LINGO2: variants seen among roughly 807,000 people sequenced by gnomAD.
LINGO2 encodes the protein leucine rich repeat and Ig domain containing 2.
LINGO2 carries 14 observed loss-of-function variants against 30.6 expected under a neutral mutation model. The observed-to-expected ratio is 0.46, with a 90% confidence interval of 0.30 to 0.72. The LOEUF (loss-of-function observed/expected upper bound fraction) is 0.72. LINGO2 is among the 30% of genes least tolerant of loss of function. The pLI is 0.07. For missense variants in LINGO2, 729 were observed against 751.7 expected (o/e 0.97, Z 0.35); for synonymous variants, 317 against 288.5 (o/e 1.10, Z -1.00).
the LINGO2 span, among the ~76,000 whole-genome samples, chr9:29,128,359 C>A: frequency 3.9e-5 from 6 of 152,246 alleles, no homozygotes; most frequent in African/African-American, 1.2e-4. Flanking sequence ...TGCATCTATT[C>A]CACCTCACTC....
intron 4 of LINGO2, among the ~76,000 whole-genome samples, chr9:28,206,896 T>G (rs1055866867): frequency 6.6e-6 from 1 of 152,090 alleles, no homozygotes; most frequent in African/African-American, 2.4e-5. Context: ...TTCTGCACAG[T>G]TGGATAGTTT....
At chr9:28,671,705 G>A (rs537855829), upstream of LINGO2, among the ~76,000 whole-genome samples, 4 of 151,998 alleles carry the variant, frequency 2.6e-5, no homozygotes, top group Middle Eastern at 3.4e-3. Flanking sequence ...ATCAGGTGAC[G>A]AAATAACCCG....
rs1473016049 is a variant in LINGO2 at position 28,553,928 on chromosome 9, C to T, written c.-364-77903G>A. On this transcript the variant is annotated intron_variant, in intron 1 of 5. Transcript: ENST00000379992. ...TCATAAGTGAAGGAGAAATAAAATA[C>T]TTTACAGACAAGCAAATGCTGAGAG... Among the ~76,000 whole-genome samples the T allele has an allele frequency of 2.0e-5, 3 of 151,980 alleles. No homozygotes were observed. The East Asian group carries it at 5.8e-4, about 29-fold the overall frequency.
chr9:28,058,234 G>T (rs139483023), intron 4 of LINGO2, among the ~76,000 whole-genome samples: 1,931 of 152,212 alleles, frequency 0.013, 24 homozygotes, highest in Non-Finnish European at 0.017. Flanking sequence ...AAGATGGGGT[G>T]CTGCCACCAG....
intron 4 of LINGO2, among the ~76,000 whole-genome samples, chr9:28,226,179 T>C (rs1268344448): frequency 2.0e-5 from 3 of 152,146 alleles, no homozygotes; most frequent in Non-Finnish European, 4.4e-5. Flanking sequence ...TCCAAAATAA[T>C]TTCATCAACC....
intron 1 of LINGO2, among the ~76,000 whole-genome samples, chr9:28,561,170 T>C (rs1220251962): frequency 6.6e-6 from 1 of 151,962 alleles, no homozygotes; most frequent in Non-Finnish European, 1.5e-5. Context: ...ACTAATTTTC[T>C]CTTACCATAT....
chr9:29,105,275 A>C, the LINGO2 span, among the ~76,000 whole-genome samples: 2 of 152,200 alleles, frequency 1.3e-5, no homozygotes, highest in African/African-American at 2.4e-5. Context: ...CATGAGACAT[A>C]ATTTAAATTG....
At chr9:28,170,598 C>T (rs544664740) in intron 4 of LINGO2, among the ~76,000 whole-genome samples, 2 of 152,216 alleles carry the variant, frequency 1.3e-5, no homozygotes, top group African/African-American at 4.8e-5. Context: ...TATTTAATGG[C>T]TTAAAACAGA....
the LINGO2 span, among the ~76,000 whole-genome samples, chr9:28,999,371 C>G: frequency 1.3e-5 from 2 of 151,938 alleles, no homozygotes; most frequent in Non-Finnish European, 2.9e-5. Context: ...AAAAGAGAAA[C>G]CTGGTAGTAT....
the LINGO2 span, chr9:27,941,752 G>A: frequency 1.3e-5 from 2 of 152,188 alleles, no homozygotes; most frequent in East Asian, 1.9e-4. Flanking sequence ...CTCAGCCCAA[G>A]AGGAGTTTAA....
At chr9:28,839,316 G>T in the LINGO2 span, among the ~76,000 whole-genome samples, 1 of 152,192 alleles carries the variant, frequency 6.6e-6, no homozygotes, top group Admixed American at 6.5e-5. Context: ...AAGGTGAAGA[G>T]GTGCTTTATT....
chr9:28,903,052 T>A, the LINGO2 span, among the ~76,000 whole-genome samples: 1 of 149,600 alleles, frequency 6.7e-6, no homozygotes, highest in African/African-American at 2.5e-5. Flanking sequence ...AAATATAGAC[T>A]AGAAAAACAA....
At chr9:28,519,673 T>C (rs949157747) in intron 1 of LINGO2, among the ~76,000 whole-genome samples, 10 of 152,186 alleles carry the variant, frequency 6.6e-5, no homozygotes, top group African/African-American at 2.4e-4. Context: ...GCACTATACA[T>C]CCTTCACCAC....
At chr9:28,454,404 C>T (rs1454529196) in intron 2 of LINGO2, among the ~76,000 whole-genome samples, 6 of 151,894 alleles carry the variant, frequency 4.0e-5, no homozygotes, top group South Asian at 2.1e-4. Context: ...TGAACTCAAA[C>T]AAAATTTCCA....
chr9:29,053,489 C>T, the LINGO2 span, among the ~76,000 whole-genome samples: 8 of 152,032 alleles, frequency 5.3e-5, no homozygotes, highest in African/African-American at 1.4e-4. Context: ...TGCAGCACAC[C>T]AACATGGCAC....
At chr9:29,201,531 A>T in the LINGO2 span, among the ~76,000 whole-genome samples, 486 of 152,166 alleles carry the variant, frequency 3.2e-3, 2 homozygotes, top group African/African-American at 0.011. Context: ...TTGTATTGTT[A>T]TCTTTGTTCT....
At chr9:29,127,241 T>C in the LINGO2 span, among the ~76,000 whole-genome samples, 71,222 of 152,002 alleles carry the variant, frequency 0.47, 17,202 homozygotes, top group Non-Finnish European at 0.53. Flanking sequence ...TGTGTTTTCA[T>C]TGCTTCACTT....
intron 4 of LINGO2, among the ~76,000 whole-genome samples, chr9:28,021,003 C>A (rs1305198581): frequency 6.7e-6 from 1 of 150,368 alleles, no homozygotes; most frequent in African/African-American, 2.5e-5. Flanking sequence ...GGTTTCATTT[C>A]TTTTCTTTGT....
the LINGO2 span, among the ~76,000 whole-genome samples, chr9:28,696,564 T>C: frequency 6.6e-6 from 1 of 151,828 alleles, no homozygotes; most frequent in Non-Finnish European, 1.5e-5. Context: ...AAAATTTGGG[T>C]AATACTACAA....
Sources: gnomAD v4.1 joint callset for allele counts (sites outside exome capture counted in the v4.1 genomes callset) on GRCh38, gnomAD v4.1.1 for gene constraint, MANE v1.5 for transcripts, NCBI Gene and HGNC (gene_info 2026-07-23, HGNC 2026-07-21) for gene names.